Variants in TPR observed in about 807,000 individuals in gnomAD.
TPR encodes the protein nucleoprotein TPR.
TPR carries 51 observed loss-of-function variants against 316.1 expected under a neutral mutation model. The ratio of observed to expected loss-of-function variants is 0.16; its 90% CI spans 0.13 to 0.20. The LOEUF (loss-of-function observed/expected upper bound fraction) is 0.20. Ranked by LOEUF, TPR falls within the 10% of genes least tolerant of loss-of-function variation. TPR has a pLI of 1.00. For synonymous variants in TPR, 981 were observed against 914.7 expected, an observed-to-expected ratio of 1.07 and a Z score of -1.31; for missense variants, 2,272 against 2,754.8, an observed-to-expected ratio of 0.82 and a Z score of 3.92.
chr1:186,340,871 A>G (rs909343949), intron 29 of TPR, among the ~76,000 whole-genome samples, 157 bp downstream of exon 29: 2 of 152,198 alleles, frequency 1.3e-5, no homozygotes, highest in Non-Finnish European at 2.9e-5. Flanking sequence ...TAAGTTTAAC[A>G]TCTGTCACGT....
At chr1:186,371,933 T>C (rs1659540959) in intron 2 of TPR, among the ~76,000 whole-genome samples, 1 of 152,120 alleles carries the variant, frequency 6.6e-6, no homozygotes, top group African/African-American at 2.4e-5. Flanking sequence ...CTTTTTCTCT[T>C]CTCCCAGATC....
At chr1:186,346,349 T>C in intron 22 of TPR, 62 bp from the exon 23 acceptor site, 2 of 1,463,160 alleles carry the variant, frequency 1.4e-6, no homozygotes, top group Non-Finnish European at 1.8e-6. Context: ...ATACAATTAT[T>C]TTCTCCAAAT....
At chr1:186,354,613 A>C (rs568484197) in intron 17 of TPR, among the ~76,000 whole-genome samples, 1 of 152,326 alleles carries the variant, frequency 6.6e-6, no homozygotes, top group South Asian at 2.1e-4. Flanking sequence ...ACTATATAAA[A>C]ATAAATATTG....
Position 186,375,044 on chromosome 1 carries a change from G to A in TPR, c.-16C>T. 3 of 1,613,918 alleles carry A rather than the reference G, an allele frequency of 1.9e-6. No individual in the cohort carries two copies. Among genetic ancestry groups the A allele is most frequent in the Non-Finnish European group, 2.5e-6 (3 of 1,180,006 alleles). On this transcript the variant is annotated 5_prime_UTR_variant, in exon 1 of 51. Transcript: ENST00000367478. ...CCGCCGCCATGTCGGTGGGGCCAGG[G>A]ACCCCAGTGGCAGCGGCCGACGGGG... is the stretch of plus-strand genomic sequence containing the variant.
At chr1:186,355,196 C>T (rs188409042) in intron 17 of TPR, among the ~76,000 whole-genome samples, 97 of 152,162 alleles carry the variant, frequency 6.4e-4, no homozygotes, top group Middle Eastern at 3.4e-3. Context: ...TGAGCTGCTG[C>T]GCCTGGCTTC....
intron 39 of TPR, among the ~76,000 whole-genome samples, chr1:186,330,562 TCA>T (rs1336382640): frequency 6.6e-6 from 1 of 152,070 alleles, no homozygotes; most frequent in East Asian, 1.9e-4. Context: ...GTTTATATGC[TCA>T]GTTCCCCTCA....
chr1:186,361,017 A>G, intron 9 of TPR, 112 bp from the exon 10 acceptor site: 1 of 1,136,254 alleles, frequency 8.8e-7, no homozygotes, highest in South Asian at 1.7e-5. Flanking sequence ...AAATTTCTAG[A>G]GAGGCTTCAG....
chr1:186,346,636 C>T lies in TPR; in HGVS notation c.2944-349G>A, dbSNP rs149019090. 3.3e-5 allele frequency among the ~76,000 whole-genome samples: 5 copies of T among 152,184 alleles called. No individual in the cohort carries two copies. The East Asian group carries it at 7.7e-4, about 23-fold the overall frequency. On this transcript the variant is annotated intron_variant, in intron 22 of 50. Transcript: ENST00000367478. Reference sequence around the variant, plus strand: ...TTTGATTTATTTACAATGATGTCAACCACAAAAGGATCTTTTAAAATTGAA... The same window carrying T: ...TTTGATTTATTTACAATGATGTCAATCACAAAAGGATCTTTTAAAATTGAA...
In TPR at chr1:186,344,414, C is replaced by G. The variant is rs1211649768; in HGVS notation, c.3378G>C (p.Glu1126Asp). Reference protein sequence around the residue: ...TTQKAESQLLECKASWEERER... With the variant: ...TTQKAESQLLDCKASWEERER... ...CTCTTTCCTCCCAAGATGCTTTACACTCCAACAACTGTGATTCTGCTTTCT... is the reference window on the plus strand; with the variant it reads ...CTCTTTCCTCCCAAGATGCTTTACAGTCCAACAACTGTGATTCTGCTTTCT... Residue 1126 changes from glutamate to aspartate, a missense_variant, in exon 25 of 51, where the codon GAG (glutamate) becomes GAC (aspartate). Glu to Asp is a conservative substitution (Grantham distance 45). Coordinates refer to ENST00000367478, the MANE Select transcript of TPR (RefSeq NM_003292.3). 6.2e-7 allele frequency: 1 copy of G among 1,614,116 alleles called. No individual in the cohort carries two copies. The highest frequency in any genetic ancestry group is 1.7e-5 in the Admixed American group (1 of 60,012).
chr1:186,318,672 T>A, intron 47 of TPR, 61 bp downstream of exon 47: 1 of 1,606,982 alleles, frequency 6.2e-7, no homozygotes, highest in Non-Finnish European at 8.5e-7. Flanking sequence ...AGCCAGAAGA[T>A]ACTTCATAGG....
At chr1:186,327,848 C>T (rs2102060503) in intron 39 of TPR, among the ~76,000 whole-genome samples, 188 bp from the exon 40 acceptor site, 1 of 151,906 alleles carries the variant, frequency 6.6e-6, no homozygotes, top group East Asian at 1.9e-4. Context: ...ATGGTGCTAT[C>T]TCAGCTCACT....
At chr1:186,318,654 A>T in intron 47 of TPR, 51 bp from the exon 48 acceptor site, 2 of 1,604,552 alleles carry the variant, frequency 1.2e-6, no homozygotes, top group Non-Finnish European at 1.7e-6. Flanking sequence ...GTGGTTTATC[A>T]CATTTTTAGC....
At chr1:186,346,078 G>C in intron 23 of TPR, 57 bp downstream of exon 23, 6 of 1,517,094 alleles carry the variant, frequency 4.0e-6, no homozygotes, top group Non-Finnish European at 5.3e-6. Context: ...TGACTTAGTT[G>C]AAAGAATTCA....
At chr1:186,363,479 T>A in intron 4 of TPR, 34 bp from the exon 5 acceptor site, 1 of 1,388,524 alleles carries the variant, frequency 7.2e-7, no homozygotes, top group Admixed American at 1.8e-5. Context: ...AAATAATAAC[T>A]AATTAACACT....
intron 33 of TPR, among the ~76,000 whole-genome samples, chr1:186,335,989 G>T (rs542846166): frequency 2.0e-5 from 3 of 152,174 alleles, no homozygotes; most frequent in African/African-American, 7.2e-5. Context: ...CAACTGATTT[G>T]ACATTTTATT....
chr1:186,336,957 T>C, intron 32 of TPR, 56 bp downstream of exon 32: 3 of 1,603,874 alleles, frequency 1.9e-6, no homozygotes, highest in Non-Finnish European at 2.6e-6. Context: ...TTAACACATA[T>C]TTCTTTAGGT....
chr1:186,327,341 TA>T (rs1658032612), intron 40 of TPR, 118 bp downstream of exon 40: 3 of 227,698 alleles, frequency 1.3e-5, no homozygotes, highest in Non-Finnish European at 2.3e-5. Context: ...TATAAATAAA[TA>T]TAATCTATTT....
chr1:186,323,492 C>G (rs949702510), intron 43 of TPR, among the ~76,000 whole-genome samples, 194 bp downstream of exon 43: 2 of 152,134 alleles, frequency 1.3e-5, no homozygotes, highest in Admixed American at 6.5e-5. Flanking sequence ...TTTAGTAACA[C>G]TTGCCTTTCT....
chr1:186,367,071 T>TC (rs1659369659), intron 4 of TPR, among the ~76,000 whole-genome samples: 1 of 141,486 alleles, frequency 7.1e-6, no homozygotes, highest in African/African-American at 2.6e-5. Context: ...TTTTTTTTTT[T>TC]TTTTTTTTTT....
Sources: gnomAD v4.1 joint callset for allele counts (sites outside exome capture counted in the v4.1 genomes callset) on GRCh38, gnomAD v4.1.1 for gene constraint, MANE v1.5 for transcripts, NCBI Gene and HGNC (gene_info 2026-07-23, HGNC 2026-07-21) for gene names.